The following ZNF366 variants were observed in gnomAD, a reference collection of about 807,000 sequenced individuals.
ZNF366 encodes zinc finger protein 366.
A neutral mutation model predicts 47.2 loss-of-function variants in ZNF366; 20 were observed. The observed-to-expected ratio is 0.42, with a 90% CI of 0.30 to 0.62. The LOEUF (loss-of-function observed/expected upper bound fraction) is 0.62. ZNF366 is among the 20% of genes least tolerant of loss of function. The pLI is 0.16. For synonymous variants in ZNF366, 421 were observed against 395.1 expected (o/e 1.07, Z -0.78); for missense variants, 987 against 976.3 (o/e 1.01, Z -0.15).
At chr5:72,464,466 T>C (rs908712987) in intron 1 of ZNF366, among the ~76,000 whole-genome samples, 3 of 152,324 alleles carry the variant, frequency 2.0e-5, no homozygotes, top group East Asian at 1.9e-4. Flanking sequence ...ACTCCTAATA[T>C]AATGTTAATC....
Position 72,443,863 on chromosome 5 carries a change from G to A in ZNF366, c.2128C>T (p.Arg710Trp), listed in dbSNP as rs151140704. The stretch of plus-strand genomic sequence containing the variant: ...AAGTAATCAGAAAAAGAGGGGCCCC[G>A]CCGGGTACTCTGAAAAGCCCTGAGA... Reference protein sequence around the residue: ...LSLRAFQSTRRGPSFSDYLYF... With the variant: ...LSLRAFQSTRWGPSFSDYLYF... Residue 710 changes from arginine to tryptophan, a missense_variant, in exon 5 of 5, where the codon CGG (arginine) becomes TGG (tryptophan). Coordinates refer to ENST00000318442, the MANE Select transcript of ZNF366 (RefSeq NM_152625.3). The A allele has an allele frequency of 7.4e-6, 12 of 1,614,026 alleles. No homozygotes were observed. The East Asian group carries it at 1.3e-4, about 18-fold the overall frequency.
At chr5:72,445,146 T>A (rs955568820) in intron 4 of ZNF366, among the ~76,000 whole-genome samples, 1 of 152,222 alleles carries the variant, frequency 6.6e-6, no homozygotes, top group Non-Finnish European at 1.5e-5. Flanking sequence ...CCAGTGTCCC[T>A]GCTGTTGGGC....
At chr5:72,490,561 T>TG (rs1323150178) in intron 1 of ZNF366, among the ~76,000 whole-genome samples, 1 of 152,176 alleles carries the variant, frequency 6.6e-6, no homozygotes, top group African/African-American at 2.4e-5. Context: ...TTAGCTTTCG[T>TG]GGAGGCATGG....
chr5:72,486,776 T>C (rs901634604), intron 1 of ZNF366, among the ~76,000 whole-genome samples: 6 of 152,214 alleles, frequency 3.9e-5, no homozygotes, highest in African/African-American at 1.4e-4. Flanking sequence ...GTTCTTTTAT[T>C]TTCCTTTTCT....
Position 72,443,262 on chromosome 5 carries a change from C to T in ZNF366, c.*494G>A, listed in dbSNP as rs1203865179. The T allele has an allele frequency of 6.5e-6, 1 of 153,036 alleles. No individual in the cohort carries two copies. Among genetic ancestry groups the T allele is most frequent in the Non-Finnish European group, 1.5e-5 (1 of 68,670 alleles). 9.5% of individuals were successfully genotyped at this position (153,036 alleles called of 1,614,324 possible). ...TCTTCAATAGCTCATCCTCCTGTGC[C>T]ATTTCTGACATTTTTGGTTATAGAA... On this transcript the variant is annotated 3_prime_UTR_variant, in exon 5 of 5. Coordinates refer to ENST00000318442, the MANE Select transcript of ZNF366 (RefSeq NM_152625.3).
chr5:72,461,125 A>G lies in ZNF366; in HGVS notation c.372T>C (p.Tyr124=). 1 of 1,614,050 alleles carries G rather than the reference A, an allele frequency of 6.2e-7. No individual in the cohort carries two copies. Among genetic ancestry groups the G allele is most frequent in the Non-Finnish European group, 8.5e-7 (1 of 1,180,014 alleles). The part of the protein sequence containing the change: ...LLFPQPPRPK[Y]DSQMIDLCNV... ...TGCACAGGTCGATCATCTGAGAGTC[A>G]TACTTGGGGCGCGGGGGCTGCGGGA... The change falls in exon 2 of 5, where the codon TAT becomes TAC. Residue 124 remains tyrosine (Y), a synonymous_variant. Transcript: ENST00000318442.
chr5:72,444,080 G>C lies in ZNF366; in HGVS notation c.1911C>G (p.Pro637=), dbSNP rs772465654. Residue 637 remains proline (P), a synonymous_variant, in exon 5 of 5, where the codon CCC becomes CCG. Transcript: ENST00000318442. ...EVEPYSPGLA[P]QSQQLCTPED... is the part of the protein sequence containing the mutation. ...CGGGTGTGCAGAGCTGCTGGCTCTG[G>C]GGGGCCAGGCCAGGGCTGTAGGGCT... is the stretch of plus-strand genomic sequence containing the variant. 1.2e-6 allele frequency: 2 copies of C among 1,614,032 alleles called. No homozygotes were observed. Among genetic ancestry groups the C allele is most frequent in the South Asian group, 1.1e-5 (1 of 91,090 alleles).
chr5:72,502,017 G>T (rs546118519), intron 1 of ZNF366, among the ~76,000 whole-genome samples: 1 of 152,052 alleles, frequency 6.6e-6, no homozygotes, highest in South Asian at 2.1e-4. Flanking sequence ...GCATTGTCTA[G>T]ACTCCAGAAA....
intron 1 of ZNF366, among the ~76,000 whole-genome samples, chr5:72,496,488 G>C (rs904665936): frequency 1.3e-5 from 2 of 152,096 alleles, no homozygotes; most frequent in African/African-American, 2.4e-5. Flanking sequence ...TTATTGTTGA[G>C]TAGTATTCCA....
At chr5:72,497,131 A>G (rs1339191614) in intron 1 of ZNF366, among the ~76,000 whole-genome samples, 1 of 152,034 alleles carries the variant, frequency 6.6e-6, no homozygotes, top group Non-Finnish European at 1.5e-5. Flanking sequence ...TGAAGAGCAA[A>G]AGTCTTTAAT....
chr5:72,495,033 G>A (rs1010756165), intron 1 of ZNF366, among the ~76,000 whole-genome samples: 1 of 152,016 alleles, frequency 6.6e-6, no homozygotes, highest in Non-Finnish European at 1.5e-5. Flanking sequence ...ATGGAATCTT[G>A]GAAGAAGTTT....
intron 1 of ZNF366, among the ~76,000 whole-genome samples, chr5:72,503,556 C>T (rs1455075820): frequency 2.0e-5 from 3 of 151,636 alleles, no homozygotes; most frequent in Non-Finnish European, 2.9e-5. Flanking sequence ...CACACACACA[C>T]GCACACCTCG....
intron 1 of ZNF366, among the ~76,000 whole-genome samples, chr5:72,482,488 T>G (rs573034367): frequency 6.6e-6 from 1 of 152,156 alleles, no homozygotes; most frequent in Admixed American, 6.5e-5. Flanking sequence ...GTAGCATAAG[T>G]GAGTTCTTTC....
chr5:72,461,045 T>C lies in ZNF366; in HGVS notation c.452A>G (p.Lys151Arg). 6.2e-7 allele frequency: 1 copy of C among 1,614,152 alleles called. No homozygotes were observed. Among genetic ancestry groups the C allele is most frequent in the Non-Finnish European group, 8.5e-7 (1 of 1,180,034 alleles). The part of the protein sequence containing the change: ...SLEHFGGKPV[K>R]QEPIKPSAVW... ...GGCGCTGGGCTTAATGGGTTCCTGC[T>C]TGACGGGCTTGCCCCCAAAGTGTTC... The change falls in exon 2 of 5, where the codon AAG (lysine) becomes AGG (arginine). Residue 151 changes from lysine to arginine, a missense_variant. This residue lies in a region of ZNF366 where 591 missense variants were observed against 560.9 expected (regional missense o/e 1.05). Transcript: ENST00000318442.
At chr5:72,488,319 T>C (rs902043367) in intron 1 of ZNF366, among the ~76,000 whole-genome samples, 15 of 152,152 alleles carry the variant, frequency 9.9e-5, no homozygotes, top group Non-Finnish European at 1.9e-4. Flanking sequence ...CTTTAAGTAT[T>C]GTTATTTTAT....
intron 3 of ZNF366, 65 bp downstream of exon 3, chr5:72,456,339 C>T: frequency 6.5e-7 from 1 of 1,528,454 alleles, no homozygotes; most frequent in Non-Finnish European, 8.9e-7. Flanking sequence ...AGAAGGCTCC[C>T]TGGGGACCCT....
intron 1 of ZNF366, among the ~76,000 whole-genome samples, chr5:72,476,587 A>C (rs1419844932): frequency 6.6e-6 from 1 of 152,076 alleles, no homozygotes; most frequent in Non-Finnish European, 1.5e-5. Context: ...GGTGTGGAGA[A>C]AATTTTTCTG....
At chr5:72,448,298 C>G (rs1401642083) in intron 3 of ZNF366, among the ~76,000 whole-genome samples, 2 of 152,006 alleles carry the variant, frequency 1.3e-5, no homozygotes, top group Admixed American at 1.3e-4. Flanking sequence ...CTTTCTTTCT[C>G]GTCATTCTCT....
chr5:72,465,338 A>G (rs1356598113), intron 1 of ZNF366, among the ~76,000 whole-genome samples: 2 of 152,162 alleles, frequency 1.3e-5, no homozygotes, highest in African/African-American at 4.8e-5. Context: ...CAACAACAAC[A>G]ACAAAATCTA....
Sources: allele counts gnomAD v4.1 joint callset (sites outside exome capture counted in the v4.1 genomes callset), GRCh38; gene constraint gnomAD v4.1.1; regional missense constraint gnomAD v4.1.1; transcripts MANE v1.5; gene names NCBI Gene and HGNC (gene_info 2026-07-23, HGNC 2026-07-21).